The following EPAS1 variants were observed in gnomAD, a reference collection of about 807,000 sequenced individuals.
EPAS1 encodes endothelial PAS domain-containing protein 1.
EPAS1 carries 23 observed loss-of-function variants against 87.9 expected under a neutral mutation model. That is an observed-to-expected ratio of 0.26 (90% CI 0.19 to 0.37). EPAS1 has a LOEUF of 0.37. EPAS1 is among the 10% of genes least tolerant of loss of function. The pLI is 1.00. For synonymous variants in EPAS1, 508 were observed against 444.3 expected, an observed-to-expected ratio of 1.14 and a Z score of -1.80; for missense variants, 1,138 against 1,120.7, an observed-to-expected ratio of 1.02 and a Z score of -0.22.
At chr2:46,342,123 T>G (rs181443457) in intron 1 of EPAS1, among the ~76,000 whole-genome samples, 39 of 152,264 alleles carry the variant, frequency 2.6e-4, no homozygotes, top group African/African-American at 8.9e-4. Flanking sequence ...AATCTGAATC[T>G]CTGGGGATAG....
intron 2 of EPAS1, among the ~76,000 whole-genome samples, chr2:46,354,676 A>G (rs1684235690): frequency 6.6e-6 from 1 of 151,714 alleles, no homozygotes; most frequent in Non-Finnish European, 1.5e-5. Context: ...TCTGTTTTGC[A>G]CCTCTGGGCT....
At chr2:46,376,507 G>T (rs553991268) in intron 8 of EPAS1, 32 bp from the exon 9 acceptor site, 5 of 1,610,922 alleles carry the variant, frequency 3.1e-6, no homozygotes, top group Non-Finnish European at 4.2e-6. Flanking sequence ...AGAAAATGTG[G>T]AAAGTCTGAA....
chr2:46,310,887 T>C (rs1683197268), intron 1 of EPAS1, among the ~76,000 whole-genome samples: 1 of 151,994 alleles, frequency 6.6e-6, no homozygotes, highest in South Asian at 2.1e-4. Flanking sequence ...TGTTTGGCCT[T>C]TTTTTTTGAG....
chr2:46,323,061 G>C (rs1683482357), intron 1 of EPAS1, among the ~76,000 whole-genome samples: 1 of 152,352 alleles, frequency 6.6e-6, no homozygotes, highest in Middle Eastern at 3.4e-3. Context: ...GGAGGGAAGA[G>C]CGTGGTAGAT....
At chr2:46,312,585 C>T (rs985423205) in intron 1 of EPAS1, among the ~76,000 whole-genome samples, 12 of 152,178 alleles carry the variant, frequency 7.9e-5, no homozygotes, top group Admixed American at 3.3e-4. Flanking sequence ...TCATTAGGCA[C>T]ATTATTGCCT....
At chr2:46,356,023 G>A in intron 2 of EPAS1, 128 bp from the exon 3 acceptor site, 1 of 977,420 alleles carries the variant, frequency 1.0e-6, no homozygotes. Context: ...CAGATGGTTG[G>A]CAGTATGCGT....
chr2:46,356,144 T>G lies in EPAS1; in HGVS notation c.218-7T>G. On this transcript the variant is annotated splice_polypyrimidine_tract_variant and splice_region_variant and intron_variant, in intron 2 of 15. Coordinates refer to ENST00000263734, the MANE Select transcript of EPAS1 (RefSeq NM_001430.5). ...ATGCAAGCTGTCCCACCCCCCCCCC[T>G]TTCCAGTTTGCTCTGAAAACGAGTC... 4.9e-5 allele frequency: 47 copies of G among 955,158 alleles called. No individual in the cohort carries two copies. The highest frequency in any genetic ancestry group is 7.1e-5 in the Non-Finnish European group (45 of 634,876). 59.2% of individuals were successfully genotyped at this position (955,158 alleles called of 1,614,324 possible).
At chr2:46,342,318 A>G (rs978441634) in intron 1 of EPAS1, among the ~76,000 whole-genome samples, 1 of 152,184 alleles carries the variant, frequency 6.6e-6, no homozygotes, top group Non-Finnish European at 1.5e-5. Context: ...CAAGCCTCAT[A>G]GAAGTGTCAC....
At chr2:46,342,279 C>T (rs1683929218) in intron 1 of EPAS1, among the ~76,000 whole-genome samples, 1 of 152,164 alleles carries the variant, frequency 6.6e-6, no homozygotes, top group Non-Finnish European at 1.5e-5. Flanking sequence ...GTGTGTTTCT[C>T]CTATCAGGCA....
At chr2:46,354,489 G>A (rs534327806) in intron 2 of EPAS1, among the ~76,000 whole-genome samples, 12 of 151,724 alleles carry the variant, frequency 7.9e-5, no homozygotes, top group African/African-American at 2.7e-4. Context: ...CAAAGGCCTG[G>A]GGCCTAAGAG....
At chr2:46,330,014 AG>A (rs1299242146) in intron 1 of EPAS1, among the ~76,000 whole-genome samples, 1 of 152,248 alleles carries the variant, frequency 6.6e-6, no homozygotes, top group Non-Finnish European at 1.5e-5. Flanking sequence ...AATCCAACTA[AG>A]AATGTGTAAC....
intron 8 of EPAS1, among the ~76,000 whole-genome samples, chr2:46,376,255 G>A (rs1684745065): frequency 6.6e-6 from 1 of 152,132 alleles, no homozygotes; most frequent in Admixed American, 6.5e-5. Context: ...TCTACAGACA[G>A]AGAAAAACAA....
intron 6 of EPAS1, 95 bp downstream of exon 6, chr2:46,361,185 T>C (rs1684379905): frequency 2.9e-6 from 4 of 1,360,180 alleles, no homozygotes; most frequent in South Asian, 2.5e-5. Context: ...GAACTGAACA[T>C]AGACGTGGTA....
At chr2:46,379,355 A>G (rs1228066832) in intron 11 of EPAS1, among the ~76,000 whole-genome samples, 2 of 152,158 alleles carry the variant, frequency 1.3e-5, no homozygotes, top group East Asian at 3.9e-4. Context: ...CATTTGTCTT[A>G]GTCTTGAGTT....
rs377001303 is a variant in EPAS1, at chr2:46,380,228, C to T, written c.1556C>T (p.Thr519Met). 6.6e-5 allele frequency: 106 copies of T among 1,610,416 alleles called. No homozygotes were observed. The highest frequency in any genetic ancestry group is 3.5e-4 in the Admixed American group (21 of 60,008). The stretch of plus-strand genomic sequence containing the variant: ...TTTGCCGGTGCTGTCTCCCCTCAGA[C>T]GGATTTCAATGAGCTGGACTTGGAG... ...TEAKDQCSTQ[T>M]DFNELDLETL... The change falls in exon 12 of 16, where the codon ACG (threonine) becomes ATG (methionine). Residue 519 changes from threonine to methionine, a missense_variant and splice_region_variant. Around this residue, in one of 4 missense-constraint regions of EPAS1, gnomAD observed 284 missense variants for 258.4 expected, o/e 1.10. Coordinates refer to ENST00000263734, the MANE Select transcript of EPAS1 (RefSeq NM_001430.5). This position sits in a 1 kb window ranked among gnomAD's most constrained non-coding sequence, Gnocchi z 4.4.
At chr2:46,382,276 T>A in intron 14 of EPAS1, 149 bp from the exon 15 acceptor site, 2 of 1,146,670 alleles carry the variant, frequency 1.7e-6, no homozygotes, top group Non-Finnish European at 2.6e-6. Flanking sequence ...CCACTCTGAC[T>A]TAGATGATGC....
intron 1 of EPAS1, among the ~76,000 whole-genome samples, chr2:46,329,132 A>G (rs1294539871): frequency 1.3e-5 from 2 of 152,212 alleles, no homozygotes; most frequent in Non-Finnish European, 2.9e-5. Flanking sequence ...GTTGCATATT[A>G]CATTTCTTTT....
rs1685023151 is a variant in EPAS1 at position 46,386,276 on chromosome 2, C to T, written c.*1616C>T. ...AGTTTCTAAAAACACACACAAAGCACATTGGGCCAACTATTTAGTAAGCCC... is the reference window on the plus strand; with the variant it reads ...AGTTTCTAAAAACACACACAAAGCATATTGGGCCAACTATTTAGTAAGCCC... On this transcript the variant is annotated 3_prime_UTR_variant, in exon 16 of 16. Transcript: ENST00000263734. 1 of 152,586 alleles carries T rather than the reference C, an allele frequency of 6.6e-6. No individual in the cohort carries two copies. 9.5% of individuals were successfully genotyped at this position (152,586 alleles called of 1,614,324 possible).
At chr2:46,370,034 C>A (rs1227172655) in intron 7 of EPAS1, 101 bp downstream of exon 7, 6 of 880,796 alleles carry the variant, frequency 6.8e-6, no homozygotes, top group Non-Finnish European at 7.4e-6. Context: ...ACTTCCTCCA[C>A]AGAGCTGCTG....
Sources: gnomAD v4.1 joint callset for allele counts (sites outside exome capture counted in the v4.1 genomes callset) on GRCh38, gnomAD v4.1.1 for gene constraint, gnomAD v4.1.1 regional missense constraint, Gnocchi (gnomAD v3.1) non-coding constraint, MANE v1.5 for transcripts, NCBI Gene and HGNC (gene_info 2026-07-23, HGNC 2026-07-21) for gene names.